Variants in MAP7 observed in about 807,000 individuals in gnomAD.
MAP7 encodes the protein microtubule associated protein 7.
A neutral mutation model predicts 94.8 loss-of-function variants in MAP7; 52 were observed. That is an observed-to-expected ratio of 0.55 (90% CI 0.44 to 0.69). The LOEUF is 0.69. Among genes scored for constraint, MAP7 ranks in the 30% least tolerant of loss-of-function variants. MAP7 has a pLI of 0.00. For missense variants in MAP7, 940 were observed against 964.6 expected (o/e 0.97, Z 0.34); for synonymous variants, 350 against 357.0 (o/e 0.98, Z 0.22).
At chr6:136,425,380 G>A (rs1792842244) in intron 1 of MAP7, among the ~76,000 whole-genome samples, 1 of 152,150 alleles carries the variant, frequency 6.6e-6, no homozygotes, top group Admixed American at 6.5e-5. Context: ...AGACTTGTGA[G>A]GACACAGCTT....
At chr6:136,438,578 G>A (rs1194962166) in intron 1 of MAP7, among the ~76,000 whole-genome samples, 2 of 152,072 alleles carry the variant, frequency 1.3e-5, no homozygotes, top group Non-Finnish European at 2.9e-5. Context: ...GACCTGTCCT[G>A]ACCCTAGGAG....
chr6:136,496,537 C>A (rs1048240329), intron 1 of MAP7, among the ~76,000 whole-genome samples: 10 of 151,974 alleles, frequency 6.6e-5, no homozygotes, highest in Admixed American at 5.9e-4. Flanking sequence ...TATATACTTA[C>A]CAGTACTGGT....
rs554498585 is a variant in MAP7, at chr6:136,550,217, T to A, written c.67+125A>T. On this transcript the variant is annotated intron_variant, in intron 1 of 17. Coordinates refer to ENST00000354570, the MANE Select transcript of MAP7 (RefSeq NM_003980.6). The surrounding 1 kb of genome is among the most constrained non-coding windows in gnomAD (Gnocchi z 5.1). ...GTGCGCGGCGCGCAGGGCCGGTTGT[T>A]CCGGGCCGCGGCCGCGCGGGCGGGG... 2.2e-4 allele frequency: 180 copies of A among 804,122 alleles called. No homozygotes were observed. The highest frequency in any genetic ancestry group is 2.0e-3 in the South Asian group (53 of 25,884). 49.8% of individuals were successfully genotyped at this position (804,122 alleles called of 1,614,324 possible). A position where few individuals can be genotyped will look rare whatever the true frequency, so the allele number is the denominator to read the frequency against.
rs536073869 is a variant in MAP7 at position 136,435,064 on chromosome 6, T to G, written c.68-13265A>C. 5.3e-5 allele frequency among the ~76,000 whole-genome samples: 8 copies of G among 152,342 alleles called. No homozygotes were observed. In the South Asian group the frequency reaches 1.4e-3, roughly 28 times the overall value. Reference sequence around the variant, plus strand: ...GCTCAGCTAACACTAAGCTGACAAATAGGCTCTTTTCTTCTAAATACTTTT... The same window carrying G: ...GCTCAGCTAACACTAAGCTGACAAAGAGGCTCTTTTCTTCTAAATACTTTT... On this transcript the variant is annotated intron_variant, in intron 1 of 17. Coordinates refer to ENST00000354570, the MANE Select transcript of MAP7 (RefSeq NM_003980.6).
At chr6:136,532,180 G>C (rs774177435) in intron 1 of MAP7, among the ~76,000 whole-genome samples, 38 of 152,214 alleles carry the variant, frequency 2.5e-4, no homozygotes, top group Admixed American at 1.7e-3. Flanking sequence ...TCAGCGCACT[G>C]AGGAAGTAAA....
In MAP7 at chr6:136,383,771, C is replaced by T. The variant is rs1382045956; in HGVS notation, c.537G>A (p.Arg179=). ...AAAGATTCATGGTGGAAACTGACCG[C>T]CTGTCTGGATCTAAAACAAATGGAG... ...SPSIHSADPD[R]RSVSTMNLSK... The change falls in exon 6 of 18, where the codon AGG becomes AGA. Residue 179 remains arginine, a synonymous_variant. Transcript: ENST00000354570. 9 of 1,603,282 alleles carry T rather than the reference C, an allele frequency of 5.6e-6. No individual in the cohort carries two copies. The highest frequency in any genetic ancestry group is 7.7e-6 in the Non-Finnish European group (9 of 1,171,218).
intron 3 of MAP7, among the ~76,000 whole-genome samples, chr6:136,399,584 G>A (rs1244607179): frequency 6.6e-6 from 1 of 151,944 alleles, no homozygotes; most frequent in Non-Finnish European, 1.5e-5. Context: ...AAACTCCTGG[G>A]CTCAAGCAAT....
chr6:136,496,019 G>C (rs1289468872), intron 1 of MAP7, among the ~76,000 whole-genome samples: 12 of 152,152 alleles, frequency 7.9e-5, no homozygotes, highest in Admixed American at 6.5e-4. Context: ...AGTTATAACA[G>C]GATGTTCCTT....
At chr6:136,349,099 A>G (rs1788449349) in intron 16 of MAP7, among the ~76,000 whole-genome samples, 1 of 152,120 alleles carries the variant, frequency 6.6e-6, no homozygotes, top group Non-Finnish European at 1.5e-5. Flanking sequence ...TTGTATTCAT[A>G]TGGATCCGTA....
At chr6:136,429,854 T>C (rs966949899) in intron 1 of MAP7, among the ~76,000 whole-genome samples, 2 of 152,204 alleles carry the variant, frequency 1.3e-5, no homozygotes, top group African/African-American at 4.8e-5. Flanking sequence ...ATTTTCCCCT[T>C]GCGTTAATAT....
At chr6:136,456,767 G>GGAGGAA (rs1179338276) in intron 1 of MAP7, among the ~76,000 whole-genome samples, 4,242 of 60,334 alleles carry the variant, frequency 0.07, 185 homozygotes, top group Non-Finnish European at 0.072. Flanking sequence ...AGGAGGAGGA[G>GGAGGAA]GAAGAAGAAG....
At chr6:136,402,935 A>AG (rs1784566491) in intron 3 of MAP7, among the ~76,000 whole-genome samples, 1 of 143,748 alleles carries the variant, frequency 7.0e-6, no homozygotes, top group African/African-American at 2.6e-5. Context: ...AAAAAAAAAA[A>AG]AAAAAAGAAA....
chr6:136,442,426 A>T (rs1053977508), intron 1 of MAP7, among the ~76,000 whole-genome samples: 1 of 136,164 alleles, frequency 7.3e-6, no homozygotes, highest in African/African-American at 2.7e-5. Context: ...AAAAAAAAAA[A>T]GTCATACTTA....
At chr6:136,417,189 G>A (rs1312503944) in intron 2 of MAP7, among the ~76,000 whole-genome samples, 1 of 152,186 alleles carries the variant, frequency 6.6e-6, no homozygotes, top group Non-Finnish European at 1.5e-5. Flanking sequence ...ATAAAATTAA[G>A]TTACTGATTC....
chr6:136,345,799 C>T, intron 17 of MAP7, 57 bp downstream of exon 17: 1 of 1,375,598 alleles, frequency 7.3e-7, no homozygotes, highest in Non-Finnish European at 1.0e-6. Context: ...CAGTTCGTGT[C>T]CTCCTGGGTG....
chr6:136,345,133 T>C (rs1049260008), intron 17 of MAP7, among the ~76,000 whole-genome samples: 2 of 152,232 alleles, frequency 1.3e-5, no homozygotes, highest in African/African-American at 2.4e-5. Context: ...TGAGCTGCTA[T>C]GACCACTGAG....
At chr6:136,514,472 G>A (rs1315752059) in intron 1 of MAP7, among the ~76,000 whole-genome samples, 2 of 149,998 alleles carry the variant, frequency 1.3e-5, no homozygotes, top group African/African-American at 2.5e-5. Context: ...TGTAATCCCA[G>A]CTTCTTGGGA....
At chr6:136,472,920 C>T (rs531530847) in intron 1 of MAP7, among the ~76,000 whole-genome samples, 2 of 152,240 alleles carry the variant, frequency 1.3e-5, no homozygotes, top group East Asian at 1.9e-4. Context: ...CTTCCAAGTG[C>T]CCACTAAATC....
intron 1 of MAP7, among the ~76,000 whole-genome samples, chr6:136,483,836 T>G (rs1343384239): frequency 1.3e-5 from 2 of 152,236 alleles, no homozygotes; most frequent in Non-Finnish European, 2.9e-5. Context: ...TTTTACATAG[T>G]GGCCTACCTT....
Sources: gnomAD v4.1 joint callset for allele counts (sites outside exome capture counted in the v4.1 genomes callset) on GRCh38, gnomAD v4.1.1 for gene constraint, Gnocchi (gnomAD v3.1) non-coding constraint, MANE v1.5 for transcripts, NCBI Gene and HGNC (gene_info 2026-07-23, HGNC 2026-07-21) for gene names.